TOMM40: variants seen among roughly 807,000 people sequenced by gnomAD.
The protein encoded by TOMM40 is translocase of outer mitochondrial membrane 40, also known as mitochondrial import receptor subunit TOM40 homolog.
Under a neutral mutation model 38.4 loss-of-function variants are expected in TOMM40, and 9 were observed. The ratio of observed to expected loss-of-function variants is 0.23; its 90% CI spans 0.14 to 0.41. TOMM40 has a LOEUF of 0.41. TOMM40 is among the 10% of genes least tolerant of loss of function. The pLI, the probability that TOMM40 is intolerant of heterozygous loss-of-function variation, is 1.00. For synonymous variants in TOMM40, 184 were observed against 210.0 expected, an observed-to-expected ratio of 0.88 and a Z score of 1.07; for missense variants, 299 against 486.5, an observed-to-expected ratio of 0.61 and a Z score of 3.63.
chr19:44,893,943 A>C lies in TOMM40; in HGVS notation c.538-18A>C, dbSNP rs1255599656. 9 of 1,589,778 alleles carry C rather than the reference A, an allele frequency of 5.7e-6. No homozygotes were observed. Among genetic ancestry groups the C allele is most frequent in the Admixed American group, 1.7e-5 (1 of 58,438 alleles). ...ACCGTGAGCAGGGAGCCGCCCTCACACCCCCTCCTCTCCACAGACCCAGCA... is the reference window on the plus strand; with the variant it reads ...ACCGTGAGCAGGGAGCCGCCCTCACCCCCCCTCCTCTCCACAGACCCAGCA... On this transcript the variant is annotated intron_variant, in intron 4 of 8. Transcript: ENST00000426677.
chr19:44,892,571 C>G (rs1969487772), intron 2 of TOMM40, 111 bp downstream of exon 2: 1 of 1,041,630 alleles, frequency 9.6e-7, no homozygotes, highest in Admixed American at 1.9e-5. Context: ...CTCCCTGATA[C>G]TTGAAAAGAC....
At chr19:44,896,635 G>A (rs1359692991) in intron 5 of TOMM40, among the ~76,000 whole-genome samples, 1 of 152,150 alleles carries the variant, frequency 6.6e-6, no homozygotes, top group African/African-American at 2.4e-5. Context: ...TAATTCAGGA[G>A]CCCGTGAGCC....
intron 5 of TOMM40, among the ~76,000 whole-genome samples, chr19:44,899,050 G>A (rs912957549): frequency 5.3e-5 from 8 of 150,156 alleles, no homozygotes; most frequent in Admixed American, 4.0e-4. Context: ...GGAGAATGGC[G>A]TGAACCCGGG....
intron 5 of TOMM40, among the ~76,000 whole-genome samples, chr19:44,899,981 C>T (rs1171564175): frequency 6.6e-6 from 1 of 151,900 alleles, no homozygotes; most frequent in Non-Finnish European, 1.5e-5. Flanking sequence ...ATTTCCCACT[C>T]TCTTCCTCCC....
chr19:44,893,769 C>G lies in TOMM40; in HGVS notation c.436-11C>G. Reference sequence around the variant, plus strand: ...CCACCTCTGACCCCTTCCGTTCTCTCTGCCTCACAGGCGTTCCCTGTACTG... The same window carrying G: ...CCACCTCTGACCCCTTCCGTTCTCTGTGCCTCACAGGCGTTCCCTGTACTG... On this transcript the variant is annotated splice_polypyrimidine_tract_variant and intron_variant, in intron 3 of 8. Coordinates refer to ENST00000426677, the MANE Select transcript of TOMM40 (RefSeq NM_001128917.2). 2 of 1,610,984 alleles carry G rather than the reference C, an allele frequency of 1.2e-6. No individual in the cohort carries two copies. The highest frequency in any genetic ancestry group is 2.7e-5 in the African/African-American group (2 of 74,990).
intron 1 of TOMM40, 62 bp downstream of exon 1, chr19:44,891,751 C>T: frequency 5.9e-6 from 8 of 1,359,228 alleles, no homozygotes; most frequent in South Asian, 4.9e-5. Context: ...AGGGGGAGGA[C>T]ACTGGGGACT....
At chr19:44,891,800 A>C in intron 1 of TOMM40, 111 bp downstream of exon 1, 1 of 1,148,878 alleles carries the variant, frequency 8.7e-7, no homozygotes, top group Non-Finnish European at 1.1e-6. Flanking sequence ...ATTTAACAGC[A>C]CTAGGAGGTG....
At position 44,901,189 on chromosome 19, in the gene TOMM40, G is replaced by T. The variant is rs773798079; in HGVS notation, c.844-19G>T. Reference sequence around the variant, plus strand: ...TGGGGCCACTTGCTAATTCTCATGTGTTGCTCCGGCCCCTCCAGCTGCAGG... The same window carrying T: ...TGGGGCCACTTGCTAATTCTCATGTTTTGCTCCGGCCCCTCCAGCTGCAGG... On this transcript the variant is annotated intron_variant, in intron 7 of 8. Transcript: ENST00000426677. 3.1e-6 allele frequency: 5 copies of T among 1,613,916 alleles called. No individual in the cohort carries two copies. In the Admixed American group the frequency reaches 8.3e-5, roughly 27 times the overall value.
At chr19:44,899,179 C>T (rs1466247008) in intron 5 of TOMM40, among the ~76,000 whole-genome samples, 9 of 151,430 alleles carry the variant, frequency 5.9e-5, no homozygotes, top group Non-Finnish European at 1.3e-4. Flanking sequence ...GAAACAGGAT[C>T]TCTGTTGCCC....
chr19:44,894,938 A>G (rs1969537829), intron 5 of TOMM40, among the ~76,000 whole-genome samples: 1 of 152,102 alleles, frequency 6.6e-6, no homozygotes, highest in South Asian at 2.1e-4. Flanking sequence ...ACTGGGAGGG[A>G]GTGGACGGGG....
rs35647923 is a variant in TOMM40, at chr19:44,894,261, C to CTTTTTT, written c.643+208_643+213dup. Among the ~76,000 whole-genome samples, 477 of 133,596 alleles carry CTTTTTT rather than the reference C, an allele frequency of 3.6e-3. 27 individuals are homozygous for CTTTTTT. The highest frequency in any genetic ancestry group is 0.013 in the African/African-American group (449 of 34,700). 87.6% of individuals were successfully genotyped at this position (133,596 alleles called of 152,430 possible). ...CCATGAGTGGGTGAGTCAGAGCAGT[C>CTTTTTT]TTTTTTTTTTTTTTTTTTGAGATGG... is the stretch of plus-strand genomic sequence containing the variant. On this transcript the variant is annotated intron_variant, in intron 5 of 8. Transcript: ENST00000426677.
chr19:44,892,300 G>T (rs1228364038), intron 1 of TOMM40, 93 bp from the exon 2 acceptor site: 2 of 1,203,600 alleles, frequency 1.7e-6, no homozygotes, highest in Non-Finnish European at 2.5e-6. Context: ...GTTCTGCTGT[G>T]GGTCTCTGGA....
chr19:44,892,350 G>A (rs770233140), intron 1 of TOMM40, 43 bp from the exon 2 acceptor site: 45 of 1,583,032 alleles, frequency 2.8e-5, no homozygotes, highest in Non-Finnish European at 3.6e-5. Flanking sequence ...ATGAGAGTTG[G>A]TGTGGGGTTG....
In TOMM40 at chr19:44,901,680, T is replaced by C. The variant is rs538380093; in HGVS notation, c.946+370T>C. 1.2e-4 allele frequency: 42 copies of C among 339,440 alleles called. 1 individual carries two copies. Among genetic ancestry groups the C allele is most frequent in the African/African-American group, 8.2e-4 (39 of 47,436 alleles). 21.0% of individuals were successfully genotyped at this position (339,440 alleles called of 1,614,324 possible). On this transcript the variant is annotated intron_variant, in intron 8 of 8. Transcript: ENST00000426677. The stretch of plus-strand genomic sequence containing the variant: ...TGAACCCAGGAGGCGGAGCTTGCGG[T>C]GAGCCGAGATCGTGCCACCGCACTC...
chr19:44,899,990 C>T (rs1030389571), intron 5 of TOMM40, among the ~76,000 whole-genome samples: 5 of 151,950 alleles, frequency 3.3e-5, no homozygotes, highest in African/African-American at 1.2e-4. Context: ...TCTCTTCCTC[C>T]CCAATTCTTC....
At position 44,891,638 on chromosome 19, in the gene TOMM40, G is replaced by GGCT. The variant is rs1349585156; in HGVS notation, c.226_228dup (p.Cys76dup). The GGCT allele has an allele frequency of 2.7e-6, 4 of 1,482,662 alleles. No individual in the cohort carries two copies. In the East Asian group the frequency reaches 1.2e-4, roughly 43 times the overall value. The allele number at this position is 1,482,662 out of a possible 1,614,324, so 91.8% of individuals were successfully genotyped here. A position where few individuals can be genotyped will look rare whatever the true frequency, so the allele number is the denominator to read the frequency against. ...AGGGGCCGCCGAGGATGGGGCCTGC[G>GGCT]GCTGCCTGCCCAACCCGGGCACATT... is the stretch of plus-strand genomic sequence containing the variant. On this transcript the variant is annotated inframe_insertion, in exon 1 of 9. Transcript: ENST00000426677.
chr19:44,896,897 A>T (rs1969575954), intron 5 of TOMM40, among the ~76,000 whole-genome samples: 1 of 152,196 alleles, frequency 6.6e-6, no homozygotes, highest in Admixed American at 6.5e-5. Flanking sequence ...TCTACAAAAA[A>T]AATTAGAAAT....
At position 44,893,743 on chromosome 19, in the gene TOMM40, A is replaced by G. The variant is rs201801745; in HGVS notation, c.436-37A>G. ...CCCATCTCACATACTTGCACAGTGC[A>G]CCACCTCTGACCCCTTCCGTTCTCT... is the stretch of plus-strand genomic sequence containing the variant. On this transcript the variant is annotated intron_variant, in intron 3 of 8. Coordinates refer to ENST00000426677, the MANE Select transcript of TOMM40 (RefSeq NM_001128917.2). 5.6e-5 allele frequency: 89 copies of G among 1,581,098 alleles called. 1 individual carries two copies. In the East Asian group the frequency reaches 1.8e-3, roughly 31 times the overall value.
intron 5 of TOMM40, among the ~76,000 whole-genome samples, chr19:44,898,261 C>T (rs973121310): frequency 6.2e-4 from 94 of 152,196 alleles, no homozygotes; most frequent in African/African-American, 2.2e-3. Context: ...CCTGCTCCCA[C>T]TGTGGGGCCC....
Sources: gnomAD v4.1 joint callset for allele counts (sites outside exome capture counted in the v4.1 genomes callset) on GRCh38, gnomAD v4.1.1 for gene constraint, MANE v1.5 for transcripts, NCBI Gene and HGNC (gene_info 2026-07-23, HGNC 2026-07-21) for gene names.